Variants in ZNF438 observed in about 807,000 individuals in gnomAD.
ZNF438 encodes the protein zinc finger protein 438.
In ZNF438, 25 loss-of-function variants were observed where a neutral mutation model predicts 38.0. That is an observed-to-expected ratio of 0.66 (90% CI 0.48 to 0.92). The LOEUF (loss-of-function observed/expected upper bound fraction) is 0.92, where lower values mean the gene tolerates loss of function less well. ZNF438 is among the 40% of genes least tolerant of loss of function. ZNF438 has a pLI of 0.00. For synonymous variants in ZNF438, 372 were observed against 364.1 expected, an observed-to-expected ratio of 1.02 and a Z score of -0.25; for missense variants, 1,007 against 999.6, an observed-to-expected ratio of 1.01 and a Z score of -0.10.
At chr10:30,955,515 A>G (rs78355438) in intron 1 of ZNF438, among the ~76,000 whole-genome samples, 2,674 of 152,320 alleles carry the variant, frequency 0.018, 65 homozygotes, top group African/African-American at 0.061. Context: ...AGCCACAATA[A>G]TAAGTCTGAC....
At chr10:30,998,292 G>C (rs1006876696) in intron 1 of ZNF438, among the ~76,000 whole-genome samples, 2 of 151,908 alleles carry the variant, frequency 1.3e-5, no homozygotes, top group Non-Finnish European at 2.9e-5. Context: ...TGTAATCCTA[G>C]CACTTTGGGA....
intron 1 of ZNF438, among the ~76,000 whole-genome samples, chr10:30,955,474 A>G (rs777556287): frequency 7.9e-5 from 12 of 152,182 alleles, no homozygotes; most frequent in Non-Finnish European, 1.6e-4. Context: ...TCCACTTTCT[A>G]TCTCCACGAA....
intron 1 of ZNF438, among the ~76,000 whole-genome samples, chr10:30,974,879 G>A (rs950570274): frequency 5.9e-5 from 9 of 152,200 alleles, no homozygotes; most frequent in Admixed American, 4.6e-4. Context: ...CAAGAACAGA[G>A]AACCAAAATT....
At chr10:30,864,337 C>T (rs1391792562) in intron 4 of ZNF438, among the ~76,000 whole-genome samples, 1 of 152,192 alleles carries the variant, frequency 6.6e-6, no homozygotes, top group Non-Finnish European at 1.5e-5. Context: ...ACCCTTCCTT[C>T]CAGGCCCCTT....
At chr10:30,846,704 C>A (rs984589234) in intron 5 of ZNF438, among the ~76,000 whole-genome samples, 10 of 152,180 alleles carry the variant, frequency 6.6e-5, no homozygotes, top group African/African-American at 2.2e-4. Context: ...AAGCTGGGAG[C>A]AGGCAGGAGC....
chr10:30,909,185 TACC>T (rs1449146280), intron 2 of ZNF438, among the ~76,000 whole-genome samples, 170 bp from the exon 4 acceptor site: 1 of 152,200 alleles, frequency 6.6e-6, no homozygotes, highest in Non-Finnish European at 1.5e-5. Context: ...TATGAAAGTT[TACC>T]ACTTTAGTAA....
intron 1 of ZNF438, among the ~76,000 whole-genome samples, chr10:31,021,669 G>A (rs973460979): frequency 2.0e-5 from 3 of 152,080 alleles, no homozygotes; most frequent in East Asian, 1.9e-4. Context: ...AAATTCCAGC[G>A]ATTTTCTTAT....
At chr10:30,916,330 T>G (rs1190767098) in intron 2 of ZNF438, among the ~76,000 whole-genome samples, 1 of 152,046 alleles carries the variant, frequency 6.6e-6, no homozygotes, top group African/African-American at 2.4e-5. Context: ...CTCTAATTTC[T>G]CAAGAAATTA....
At chr10:30,890,835 ACTT>A (rs1413964405) in intron 3 of ZNF438, among the ~76,000 whole-genome samples, 1 of 152,090 alleles carries the variant, frequency 6.6e-6, no homozygotes, top group African/African-American at 2.4e-5. Flanking sequence ...TTATAATTTC[ACTT>A]CTTGATTGTT....
intron 1 of ZNF438, among the ~76,000 whole-genome samples, chr10:30,950,201 G>T (rs966102069): frequency 1.3e-5 from 2 of 151,466 alleles, no homozygotes; most frequent in African/African-American, 4.9e-5. Context: ...TGAAACCAAC[G>T]AGAACAAAGA....
intron 2 of ZNF438, among the ~76,000 whole-genome samples, chr10:30,917,113 C>G (rs756904056): frequency 6.6e-6 from 1 of 152,030 alleles, no homozygotes; most frequent in Non-Finnish European, 1.5e-5. Flanking sequence ...TTTGTTCCTT[C>G]AAAATCCTTC....
intron 1 of ZNF438, among the ~76,000 whole-genome samples, chr10:30,963,815 A>C (rs1264917973): frequency 6.6e-6 from 1 of 151,810 alleles, no homozygotes; most frequent in Non-Finnish European, 1.5e-5. Flanking sequence ...TGGGCAGCAG[A>C]GGTTGCAGAT....
chr10:30,992,333 A>T (rs931664520), intron 1 of ZNF438, among the ~76,000 whole-genome samples: 1 of 152,176 alleles, frequency 6.6e-6, no homozygotes, highest in Non-Finnish European at 1.5e-5. Context: ...GCTGGATAGA[A>T]AAAAACCTGC....
chr10:30,929,974 A>C (rs757560177), intron 2 of ZNF438, among the ~76,000 whole-genome samples: 1 of 152,188 alleles, frequency 6.6e-6, no homozygotes, highest in African/African-American at 2.4e-5. Flanking sequence ...CAAGTCCCCA[A>C]CTGACTCAGG....
chr10:31,029,074 C>T (rs1040519098), intron 1 of ZNF438, among the ~76,000 whole-genome samples: 3 of 152,214 alleles, frequency 2.0e-5, no homozygotes, highest in East Asian at 1.9e-4. Context: ...CATGTTCACT[C>T]GGAGGTGGTT....
intron 3 of ZNF438, among the ~76,000 whole-genome samples, chr10:30,878,019 T>C (rs1382462182): frequency 1.3e-5 from 2 of 152,130 alleles, no homozygotes; most frequent in African/African-American, 2.4e-5. Flanking sequence ...ACAGAACATA[T>C]GAAACAATGT....
chr10:30,992,233 C>A (rs376409898), intron 1 of ZNF438, among the ~76,000 whole-genome samples: 6 of 152,076 alleles, frequency 3.9e-5, no homozygotes, highest in African/African-American at 1.4e-4. Flanking sequence ...AAAATTGGTA[C>A]CAAGACGTAG....
rs1250798834 is a variant in ZNF438, at chr10:30,937,342, A to T, written c.-115+4233T>A. Among the ~76,000 whole-genome samples, 11 of 152,238 alleles carry T rather than the reference A, an allele frequency of 7.2e-5. No homozygotes were observed. The East Asian group carries it at 2.1e-3, about 29-fold the overall frequency. On this transcript the variant is annotated intron_variant, in intron 2 of 5. Coordinates refer to ENST00000413025, the Ensembl canonical transcript of ZNF438. ...TAAAATGCATAACATGATTTAGAAC[A>T]TTTCTTCAAATTTCAACTTAATGCT...
chr10:30,878,336 A>G (rs1262779247), intron 3 of ZNF438, among the ~76,000 whole-genome samples: 1 of 152,142 alleles, frequency 6.6e-6, no homozygotes, highest in Non-Finnish European at 1.5e-5. Context: ...GAGAGAAGCA[A>G]CTTGACTTCA....
Sources: gnomAD v4.1 joint callset for allele counts (sites outside exome capture counted in the v4.1 genomes callset) on GRCh38, gnomAD v4.1.1 for gene constraint, MANE v1.5 for transcripts, NCBI Gene and HGNC (gene_info 2026-07-23, HGNC 2026-07-21) for gene names.